DNAI4: variants seen among roughly 807,000 people sequenced by gnomAD.
The protein encoded by DNAI4 is WD repeat domain 78.
In DNAI4, 85 loss-of-function variants were observed where a neutral mutation model predicts 105.8. The ratio of observed to expected loss-of-function variants is 0.80; its 90% confidence interval spans 0.67 to 0.96. The LOEUF (loss-of-function observed/expected upper bound fraction) is 0.96, where lower values mean the gene tolerates loss of function less well. Ranked by LOEUF, DNAI4 falls within the 40% of genes least tolerant of loss-of-function variation. DNAI4 has a pLI of 0.00. For missense variants in DNAI4, 1,014 were observed against 1,005.6 expected (o/e 1.01, Z -0.11); for synonymous variants, 352 against 331.5 (o/e 1.06, Z -0.67).
chr1:66,920,360 C>T (rs1300703897), intron 1 of DNAI4, among the ~76,000 whole-genome samples: 2 of 152,150 alleles, frequency 1.3e-5, no homozygotes, highest in Admixed American at 6.5e-5. Context: ...AACTCTCATG[C>T]GACCTCATTC....
chr1:66,842,761 A>C (rs780229528), intron 8 of DNAI4, among the ~76,000 whole-genome samples: 2 of 152,166 alleles, frequency 1.3e-5, no homozygotes. Flanking sequence ...ACCATTGTGC[A>C]TTCCCATCAG....
rs1387907393 is a variant in DNAI4, at chr1:66,891,168, A to T, written c.629T>A (p.Leu210Ter). 6.2e-7 allele frequency: 1 copy of T among 1,611,684 alleles called. No homozygotes were observed. The highest frequency in any genetic ancestry group is 8.5e-7 in the Non-Finnish European group (1 of 1,177,932). Residue 210 changes from leucine to a stop codon, truncating the protein, a stop_gained, in exon 4 of 17, where the codon TTG becomes TAG. Transcript: ENST00000371026. LOFTEE classifies it high-confidence loss of function. Reference sequence around the variant, plus strand: ...ATTTTCATTACCTGTGAAACTAGTCAATCTTTCCCGTTTATAGGATGGTTC... The same window carrying T: ...ATTTTCATTACCTGTGAAACTAGTCTATCTTTCCCGTTTATAGGATGGTTC... ...LEEPSYKRER[L>*]TSFTDLQVIR...
intron 13 of DNAI4, among the ~76,000 whole-genome samples, chr1:66,830,968 C>T (rs1353860066): frequency 9.3e-6 from 1 of 107,448 alleles, no homozygotes; most frequent in East Asian, 2.5e-4. Context: ...CAGAGTGAGA[C>T]TCTGTCACAA....
intron 11 of DNAI4, among the ~76,000 whole-genome samples, 199 bp from the exon 12 acceptor site, chr1:66,834,347 A>AT (rs1471434179): frequency 1.3e-5 from 2 of 152,002 alleles, no homozygotes; most frequent in Non-Finnish European, 2.9e-5. Context: ...ACTCACTGTT[A>AT]TTTTTTGTAC....
intron 4 of DNAI4, among the ~76,000 whole-genome samples, chr1:66,886,816 A>G (rs182936185): frequency 3.9e-5 from 6 of 152,260 alleles, no homozygotes; most frequent in East Asian, 3.9e-4. Context: ...AACATTTCCA[A>G]TGGAATTCCT....
At chr1:66,923,848 T>C (rs928327173) in intron 1 of DNAI4, among the ~76,000 whole-genome samples, 7 of 152,190 alleles carry the variant, frequency 4.6e-5, no homozygotes, top group Non-Finnish European at 8.8e-5. Context: ...CGGGCAGCGC[T>C]AAGGAACCAT....
chr1:66,840,933 G>A (rs12030322), intron 8 of DNAI4, among the ~76,000 whole-genome samples: 64,177 of 152,026 alleles, frequency 0.42, 14,064 homozygotes, highest in East Asian at 0.67. Flanking sequence ...AATGACAAAT[G>A]TGTGGTCTCT....
At chr1:66,895,932 T>C (rs1267031442) in intron 2 of DNAI4, among the ~76,000 whole-genome samples, 2 of 152,130 alleles carry the variant, frequency 1.3e-5, no homozygotes, top group Non-Finnish European at 2.9e-5. Flanking sequence ...TTTGTTGTTG[T>C]TGTTGTTGTT....
rs146252041 is a variant in DNAI4, at chr1:66,878,088, C to T, written c.644-3151G>A. On this transcript the variant is annotated intron_variant, in intron 4 of 16. Transcript: ENST00000371026. ...ACTTGTAGAATGGGAAGTTAAGATC[C>T]ACCTTCTTGAGGGAAGAATATCTAT... 2.1e-3 allele frequency among the ~76,000 whole-genome samples: 327 copies of T among 152,188 alleles called. 1 individual carries two copies. The highest frequency in any genetic ancestry group is 7.4e-3 in the African/African-American group (307 of 41,542).
intron 6 of DNAI4, among the ~76,000 whole-genome samples, chr1:66,867,337 C>T (rs999021449): frequency 6.6e-6 from 1 of 152,184 alleles, no homozygotes; most frequent in Non-Finnish European, 1.5e-5. Context: ...CAACTTTTGA[C>T]TTTCAAGTCT....
intron 8 of DNAI4, among the ~76,000 whole-genome samples, chr1:66,841,928 T>C (rs1646157901): frequency 6.6e-6 from 1 of 152,252 alleles, no homozygotes; most frequent in South Asian, 2.1e-4. Context: ...GTATCTGCCA[T>C]TGTAGTACCA....
chr1:66,843,045 A>T (rs370954684), intron 8 of DNAI4, among the ~76,000 whole-genome samples: 145 of 151,962 alleles, frequency 9.5e-4, no homozygotes, highest in African/African-American at 3.1e-3. Flanking sequence ...AGAACATTTT[A>T]AAAAATTAGC....
chr1:66,881,553 G>A (rs962305783), intron 4 of DNAI4, among the ~76,000 whole-genome samples: 1 of 152,128 alleles, frequency 6.6e-6, no homozygotes, highest in South Asian at 2.1e-4. Context: ...CTTTGTTTTG[G>A]CCAATTTCTC....
chr1:66,864,136 G>A (rs898284495), intron 6 of DNAI4, among the ~76,000 whole-genome samples: 5 of 152,110 alleles, frequency 3.3e-5, no homozygotes, highest in Non-Finnish European at 7.4e-5. Flanking sequence ...GGGTACTATA[G>A]TTACATTTGT....
chr1:66,845,138 C>T (rs1646243105), intron 8 of DNAI4, among the ~76,000 whole-genome samples: 1 of 115,166 alleles, frequency 8.7e-6, no homozygotes, highest in Non-Finnish European at 1.7e-5. Context: ...TTGCAGTGAG[C>T]CAAGATCGTG....
chr1:66,907,356 T>TTAAA (rs1649337582), intron 1 of DNAI4, among the ~76,000 whole-genome samples: 1 of 152,208 alleles, frequency 6.6e-6, no homozygotes, highest in African/African-American at 2.4e-5. Flanking sequence ...CTTTTCTCTA[T>TTAAA]TAATCTTTAA....
intron 1 of DNAI4, among the ~76,000 whole-genome samples, chr1:66,919,427 C>G (rs894263063): frequency 1.3e-5 from 2 of 152,156 alleles, no homozygotes; most frequent in African/African-American, 4.8e-5. Context: ...AAGTTGAAAA[C>G]AGAGAATCAC....
chr1:66,904,481 A>G (rs1037364268), intron 2 of DNAI4, among the ~76,000 whole-genome samples: 1 of 151,960 alleles, frequency 6.6e-6, no homozygotes, highest in Admixed American at 6.6e-5. Flanking sequence ...CTGTTTATCT[A>G]CTCTGGTGAA....
At position 66,822,362 on chromosome 1, in the gene DNAI4, C is replaced by T. The variant is rs482082; in HGVS notation, c.2495G>A (p.Arg832Gln). The T allele has an allele frequency of 0.5, 798,983 of 1,596,668 alleles. 202,876 individuals are homozygous for T. Among genetic ancestry groups the T allele is most frequent in the East Asian group, 0.69 (30,732 of 44,340 alleles). The change falls in exon 16 of 17, where the codon CGG becomes CAG. Residue 832 changes from arginine to glutamine, a missense_variant and splice_region_variant. Coordinates refer to ENST00000371026, the MANE Select transcript of DNAI4 (RefSeq NM_024763.5). ...AATTTTTTTACTCTTGAGTCTTACCCGGCCAGTTTCCAAAACAGTAGGCAT... is the reference window on the plus strand; with the variant it reads ...AATTTTTTTACTCTTGAGTCTTACCTGGCCAGTTTCCAAAACAGTAGGCAT... ...RNMPTVLETG[R>Q]GDIMDTLLGS...
Sources: gnomAD v4.1 joint callset for allele counts (sites outside exome capture counted in the v4.1 genomes callset) on GRCh38, gnomAD v4.1.1 for gene constraint, MANE v1.5 for transcripts, NCBI Gene and HGNC (gene_info 2026-07-23, HGNC 2026-07-21) for gene names.